NEDD9: variants seen among roughly 807,000 people sequenced by gnomAD.
NEDD9 encodes neural precursor cell expressed, developmentally down-regulated 9, also known as enhancer of filamentation 1.
Under a neutral mutation model 76.6 loss-of-function variants are expected in NEDD9, and 26 were observed. The ratio of observed to expected loss-of-function variants is 0.34; its 90% CI spans 0.25 to 0.47. The LOEUF is 0.47. Ranked by LOEUF, NEDD9 falls within the 20% of genes least tolerant of loss-of-function variation. The pLI is 1.00. For synonymous variants in NEDD9, 392 were observed against 414.2 expected, an observed-to-expected ratio of 0.95 and a Z score of 0.65; for missense variants, 937 against 1,058.5, an observed-to-expected ratio of 0.89 and a Z score of 1.59.
intron 3 of NEDD9, among the ~76,000 whole-genome samples, chr6:11,280,833 C>T (rs1431495555): frequency 6.6e-6 from 1 of 152,244 alleles, no homozygotes; most frequent in Admixed American, 6.5e-5. Context: ...CCTGGCCTCA[C>T]TTGTAGCTAG....
intron 2 of NEDD9, among the ~76,000 whole-genome samples, chr6:11,321,757 C>A (rs571038096): frequency 6.6e-6 from 1 of 152,292 alleles, no homozygotes; most frequent in Admixed American, 6.5e-5. Flanking sequence ...ACCAGATATC[C>A]AACTTAAGGC....
chr6:11,232,355 G>C (rs898837918), intron 1 of NEDD9, 149 bp downstream of exon 1: 2 of 919,870 alleles, frequency 2.2e-6, no homozygotes, highest in South Asian at 1.5e-5. Context: ...TTGCTTGTCT[G>C]CTTGCATGTC....
chr6:11,366,147 G>A (rs1420368769), intron 1 of NEDD9, among the ~76,000 whole-genome samples: 1 of 152,032 alleles, frequency 6.6e-6, no homozygotes, highest in Non-Finnish European at 1.5e-5. Context: ...AACCGGGTGT[G>A]GTGGCATGTG....
chr6:11,334,588 T>C (rs1762112481), intron 1 of NEDD9: 1 of 152,276 alleles, frequency 6.6e-6, no homozygotes, highest in South Asian at 2.1e-4. Context: ...GGAGCAAACG[T>C]TAATTGCATT....
At chr6:11,331,870 G>A (rs757696614) in intron 2 of NEDD9, among the ~76,000 whole-genome samples, 20 of 152,246 alleles carry the variant, frequency 1.3e-4, no homozygotes, top group Non-Finnish European at 2.4e-4. Flanking sequence ...AGAACTAGGA[G>A]CTTTCCTGTG....
At chr6:11,294,025 G>A (rs201223943) in intron 3 of NEDD9, among the ~76,000 whole-genome samples, 1 of 134,824 alleles carries the variant, frequency 7.4e-6, no homozygotes, top group South Asian at 2.5e-4. Flanking sequence ...GTGTGTGTAT[G>A]TGTGTATGTG....
At chr6:11,258,265 G>T (rs1440088969) in intron 3 of NEDD9, among the ~76,000 whole-genome samples, 1 of 152,178 alleles carries the variant, frequency 6.6e-6, no homozygotes, top group Non-Finnish European at 1.5e-5. Flanking sequence ...TACCAGGGAG[G>T]CTCAGGGGCT....
At chr6:11,215,362 AG>A (rs1240241617) in intron 1 of NEDD9, among the ~76,000 whole-genome samples, 1 of 152,190 alleles carries the variant, frequency 6.6e-6, no homozygotes, top group East Asian at 1.9e-4. Context: ...TGCATATTTC[AG>A]GGGAAGGTTT....
intron 3 of NEDD9, among the ~76,000 whole-genome samples, chr6:11,243,161 A>G (rs1181459473): frequency 6.6e-6 from 1 of 152,212 alleles, no homozygotes; most frequent in African/African-American, 2.4e-5. Flanking sequence ...TTCACTTGCC[A>G]TGACCAGAGA....
chr6:11,201,006 C>T, intron 2 of NEDD9: 1 of 1,614,240 alleles, frequency 6.2e-7, no homozygotes. Flanking sequence ...TTTAGAGGCT[C>T]TCACTAAGAA....
At chr6:11,342,285 T>C (rs1332715646) in intron 1 of NEDD9, among the ~76,000 whole-genome samples, 1 of 151,282 alleles carries the variant, frequency 6.6e-6, no homozygotes, top group Non-Finnish European at 1.5e-5. Flanking sequence ...TCTGAAGAAA[T>C]AGTGGCCAAG....
At chr6:11,309,293 T>C (rs1203718079) in intron 2 of NEDD9, among the ~76,000 whole-genome samples, 1 of 152,246 alleles carries the variant, frequency 6.6e-6, no homozygotes, top group East Asian at 1.9e-4. Context: ...CCAACATTTT[T>C]CCATCCTATT....
chr6:11,200,166 T>A, intron 2 of NEDD9: 2 of 296,182 alleles, frequency 6.8e-6, no homozygotes, highest in South Asian at 5.5e-5. Context: ...GGGGGAACAT[T>A]GGACTATAGG....
chr6:11,323,621 C>T (rs543316036), intron 2 of NEDD9, among the ~76,000 whole-genome samples: 7 of 152,352 alleles, frequency 4.6e-5, no homozygotes, highest in East Asian at 1.9e-4. Context: ...TCTTCCACAA[C>T]AGAAAACTGT....
chr6:11,355,960 A>T (rs1762566057), intron 1 of NEDD9, among the ~76,000 whole-genome samples: 1 of 152,108 alleles, frequency 6.6e-6, no homozygotes, highest in Non-Finnish European at 1.5e-5. Flanking sequence ...TGACCTCGTG[A>T]TCTGCCCACC....
chr6:11,364,585 C>T (rs1762730943), intron 1 of NEDD9, among the ~76,000 whole-genome samples: 1 of 152,180 alleles, frequency 6.6e-6, no homozygotes, highest in African/African-American at 2.4e-5. Context: ...GGCAAGCTGA[C>T]TCCACAGCTT....
At chr6:11,233,757 A>C (rs555260781), upstream of NEDD9, among the ~76,000 whole-genome samples, 4 of 152,340 alleles carry the variant, frequency 2.6e-5, no homozygotes, top group Admixed American at 2.6e-4. Flanking sequence ...TCACGGACAG[A>C]GCAGTGAGGC....
intron 3 of NEDD9, among the ~76,000 whole-genome samples, chr6:11,239,198 T>C (rs1730390214): frequency 6.6e-6 from 1 of 152,126 alleles, no homozygotes; most frequent in Non-Finnish European, 1.5e-5. Context: ...AATCTGCATA[T>C]GCTCTCTAGT....
intron 1 of NEDD9, among the ~76,000 whole-genome samples, chr6:11,351,234 C>G (rs1403155509): frequency 6.6e-6 from 1 of 152,008 alleles, no homozygotes; most frequent in South Asian, 2.1e-4. Flanking sequence ...GGACCAGGAC[C>G]AGGAAAGAAA....
Sources: gnomAD v4.1 joint callset for allele counts (sites outside exome capture counted in the v4.1 genomes callset) on GRCh38, gnomAD v4.1.1 for gene constraint, MANE v1.5 for transcripts, NCBI Gene and HGNC (gene_info 2026-07-23, HGNC 2026-07-21) for gene names.